The following PRKN variants were observed in gnomAD, a reference collection of about 807,000 sequenced individuals.
The protein encoded by PRKN is E3 ubiquitin-protein ligase parkin.
A neutral mutation model predicts 59.5 loss-of-function variants in PRKN; 56 were observed. The ratio of observed to expected loss-of-function variants is 0.94; its 90% CI spans 0.76 to 1.18. PRKN has a LOEUF of 1.18. Among genes scored for constraint, PRKN ranks in the 50% most tolerant of loss-of-function variants. The pLI is 0.00. For synonymous variants in PRKN, 250 were observed against 222.1 expected (o/e 1.13, Z -1.12); for missense variants, 657 against 596.4 (o/e 1.10, Z -1.06).
chr6:161,527,334 G>A lies in PRKN; in HGVS notation c.1083+21520C>T, dbSNP rs754021214. ...GGGTGAAGTGTCTTGAGCCCCAACG[G>A]CATCAAGTATGAACTTGGAGCCAGG... On this transcript the variant is annotated intron_variant, in intron 9 of 11. Coordinates refer to ENST00000366898, the MANE Select transcript of PRKN (RefSeq NM_004562.3). The surrounding 1 kb of genome is among the most constrained non-coding windows in gnomAD (Gnocchi z 4.6). Among the ~76,000 whole-genome samples the A allele has an allele frequency of 4.6e-4, 70 of 152,296 alleles. No homozygotes were observed. The highest frequency in any genetic ancestry group is 6.5e-4 in the African/African-American group (27 of 41,562).
intron 4 of PRKN, among the ~76,000 whole-genome samples, chr6:162,116,690 C>T (rs1780689195): frequency 6.6e-6 from 1 of 152,146 alleles, no homozygotes; most frequent in Non-Finnish European, 1.5e-5. Flanking sequence ...GTAAGGTGCT[C>T]ACAGTCTAGA....
intron 4 of PRKN, among the ~76,000 whole-genome samples, chr6:162,119,066 GA>G (rs1780797577): frequency 6.6e-6 from 1 of 152,206 alleles, no homozygotes; most frequent in Non-Finnish European, 1.5e-5. Context: ...AGTAGTAAGT[GA>G]GGGTGAATTT....
At chr6:162,461,499 C>CAAAAAAAAAAAAAAAAAAAAAGAAAAAAA (rs1791166493) in intron 1 of PRKN, among the ~76,000 whole-genome samples, 1 of 36,516 alleles carries the variant, frequency 2.7e-5, no homozygotes, top group African/African-American at 1.0e-4. Flanking sequence ...TAAAGTGTCT[C>CAAAAAAAAAAAAAAAAAAAAAGAAAAAAA]AAAAAAAAAA....
intron 4 of PRKN, among the ~76,000 whole-genome samples, chr6:162,135,442 G>A (rs1344804501): frequency 6.6e-6 from 1 of 152,190 alleles, no homozygotes; most frequent in Non-Finnish European, 1.5e-5. Context: ...GCTCTTCAGT[G>A]GGTTGGAAGG....
intron 7 of PRKN, among the ~76,000 whole-genome samples, chr6:161,740,834 A>G (rs928285168): frequency 1.3e-5 from 2 of 152,212 alleles, no homozygotes; most frequent in Non-Finnish European, 1.5e-5. Context: ...TCTATCAAAA[A>G]ACAAACAGTA....
At chr6:161,978,031 GTATTTTATTTTATTT>G (rs530789978) in intron 5 of PRKN, among the ~76,000 whole-genome samples, 5 of 128,528 alleles carry the variant, frequency 3.9e-5, no homozygotes, top group South Asian at 4.3e-4. Flanking sequence ...TTATTTTATT[GTATTTTATTTTATTT>G]TATTTTATTT....
intron 1 of PRKN, among the ~76,000 whole-genome samples, chr6:162,689,973 G>T (rs1488454545): frequency 6.6e-6 from 1 of 152,060 alleles, no homozygotes; most frequent in Non-Finnish European, 1.5e-5. Context: ...TCTTTATTCT[G>T]AATATATGAG....
Position 162,013,536 on chromosome 6 carries a change from C to T in PRKN, c.619-40119G>A, listed in dbSNP as rs539354713. Reference sequence around the variant, plus strand: ...CATTGCTTCCAGATATTCTCAAAGACGAAGCTAGGAAATGTGTGTGTTATA... The same window carrying T: ...CATTGCTTCCAGATATTCTCAAAGATGAAGCTAGGAAATGTGTGTGTTATA... On this transcript the variant is annotated intron_variant, in intron 5 of 11. Transcript: ENST00000366898. Among the ~76,000 whole-genome samples the T allele has an allele frequency of 7.9e-5, 12 of 152,192 alleles. No individual in the cohort carries two copies. The East Asian group carries it at 1.7e-3, about 22-fold the overall frequency.
At chr6:162,452,733 A>C (rs1790684535) in intron 1 of PRKN, among the ~76,000 whole-genome samples, 1 of 152,142 alleles carries the variant, frequency 6.6e-6, no homozygotes, top group African/African-American at 2.4e-5. Context: ...TGGTGACCAG[A>C]ACTCACCACA....
intron 2 of PRKN, among the ~76,000 whole-genome samples, chr6:162,419,994 C>T (rs1387872576): frequency 6.6e-6 from 1 of 152,140 alleles, no homozygotes; most frequent in African/African-American, 2.4e-5. Flanking sequence ...GACAGTTTCT[C>T]CACAGACTGG....
chr6:162,398,675 G>A (rs1787608645), intron 2 of PRKN, among the ~76,000 whole-genome samples: 1 of 152,080 alleles, frequency 6.6e-6, no homozygotes, highest in Non-Finnish European at 1.5e-5. Context: ...CAGGCGTGAG[G>A]CACTCCACCT....
intron 6 of PRKN, among the ~76,000 whole-genome samples, chr6:161,945,171 A>G (rs1016922291): frequency 1.3e-5 from 2 of 152,140 alleles, no homozygotes; most frequent in African/African-American, 4.8e-5. Flanking sequence ...GGGAGGCCGG[A>G]TTGGAAGTTT....
At chr6:162,219,167 G>A (rs1006118173) in intron 3 of PRKN, among the ~76,000 whole-genome samples, 16 of 151,958 alleles carry the variant, frequency 1.1e-4, no homozygotes, top group African/African-American at 3.9e-4. Context: ...CTCCAGCCTG[G>A]GTAACAGAGA....
intron 3 of PRKN, among the ~76,000 whole-genome samples, chr6:162,235,449 T>C (rs1046024719): frequency 6.6e-6 from 1 of 152,152 alleles, no homozygotes; most frequent in East Asian, 1.9e-4. Context: ...ATATAAAGAA[T>C]GCATATTGTC....
intron 7 of PRKN, among the ~76,000 whole-genome samples, chr6:161,570,146 A>AAAATAT (rs869285771): frequency 2.6e-5 from 2 of 76,588 alleles, no homozygotes; most frequent in African/African-American, 1.4e-4. Flanking sequence ...AAAAAAAAAA[A>AAAATAT]ATATATATAT....
chr6:161,885,530 T>C (rs1056006964), intron 6 of PRKN, among the ~76,000 whole-genome samples: 2 of 151,936 alleles, frequency 1.3e-5, no homozygotes, highest in South Asian at 2.1e-4. Flanking sequence ...CCAGGCGTGG[T>C]GGCGGGCCCC....
intron 3 of PRKN, among the ~76,000 whole-genome samples, chr6:162,216,885 A>G (rs1457946816): frequency 6.6e-6 from 1 of 152,174 alleles, no homozygotes; most frequent in Non-Finnish European, 1.5e-5. Context: ...TTGGGGGTAA[A>G]ATCAGGGTTT....
At chr6:162,518,143 G>A (rs1777941974) in intron 1 of PRKN, among the ~76,000 whole-genome samples, 1 of 152,072 alleles carries the variant, frequency 6.6e-6, no homozygotes, top group South Asian at 2.1e-4. Context: ...CACATTTATG[G>A]AACACTCACA....
intron 1 of PRKN, among the ~76,000 whole-genome samples, chr6:162,658,674 G>GAAAAAAAAAAAAAAAAAAAAA (rs749187156): frequency 1.0e-5 from 1 of 97,126 alleles, no homozygotes; most frequent in Non-Finnish European, 2.1e-5. Context: ...AAAAAAAAAA[G>GAAAAAAAAAAAAAAAAAAAAA]AAAAAAAAAA....
Sources: allele counts gnomAD v4.1 joint callset (sites outside exome capture counted in the v4.1 genomes callset), GRCh38; gene constraint gnomAD v4.1.1; non-coding constraint Gnocchi (gnomAD v3.1); transcripts MANE v1.5; gene names NCBI Gene and HGNC (gene_info 2026-07-23, HGNC 2026-07-21).